VPS13A: variants seen among roughly 807,000 people sequenced by gnomAD.
VPS13A encodes the protein vacuolar protein sorting 13 homolog A.
VPS13A carries 264 observed loss-of-function variants against 390.9 expected under a neutral mutation model. That is an observed-to-expected ratio of 0.68 (90% confidence interval 0.61 to 0.75). The LOEUF is 0.75. Among genes scored for constraint, VPS13A ranks in the 30% least tolerant of loss-of-function variants. VPS13A has a pLI of 0.00. For missense variants in VPS13A, 3,409 were observed against 3,733.9 expected, an observed-to-expected ratio of 0.91 and a Z score of 2.27; for synonymous variants, 1,231 against 1,227.1, an observed-to-expected ratio of 1.00 and a Z score of -0.07.
At chr9:77,279,374 C>T (rs970703224) in intron 26 of VPS13A, among the ~76,000 whole-genome samples, 1 of 152,212 alleles carries the variant, frequency 6.6e-6, no homozygotes, top group East Asian at 1.9e-4. Flanking sequence ...CGTCCTTCCT[C>T]TTCTCTCTTT....
chr9:77,390,253 C>A, intron 68 of VPS13A: 1 of 341,676 alleles, frequency 2.9e-6, no homozygotes, highest in Non-Finnish European at 4.1e-6. Context: ...TGAAGAGAGC[C>A]AAATTGTGTT....
At chr9:77,270,888 A>G (rs1025345934) in intron 23 of VPS13A, among the ~76,000 whole-genome samples, 6 of 152,230 alleles carry the variant, frequency 3.9e-5, no homozygotes, top group African/African-American at 1.4e-4. Context: ...ACCTAAATAT[A>G]AAGTCCACAA....
At chr9:77,382,808 A>T in intron 68 of VPS13A, 1 of 985,458 alleles carries the variant, frequency 1.0e-6, no homozygotes, top group Non-Finnish European at 1.2e-6. Context: ...TCTTTTAATA[A>T]TACAAAGTAG....
rs547171069 is a variant in VPS13A, at chr9:77,225,929, T to C, written c.1165T>C (p.Leu389=). The C allele has an allele frequency of 3.3e-5, 53 of 1,610,822 alleles. No homozygotes were observed. The highest frequency in any genetic ancestry group is 2.3e-4 in the South Asian group (21 of 90,804). ...CATTTTTGTTTATATTTTTCAGGAG[T>C]TGGAAAAAACCTTGGATGTCTTTAA... ...PGELLVSLEE[L]EKTLDVFNIT... Residue 389 remains leucine (L), a synonymous_variant, in exon 14 of 72, where the codon TTG becomes CTG. Coordinates refer to ENST00000360280, the MANE Select transcript of VPS13A (RefSeq NM_033305.3).
At chr9:77,243,943 G>A (rs1807477663) in intron 19 of VPS13A, among the ~76,000 whole-genome samples, 1 of 152,168 alleles carries the variant, frequency 6.6e-6, no homozygotes. Flanking sequence ...TAACTTTAAA[G>A]AATGTAACAA....
At chr9:77,369,270 A>C (rs576128064) in intron 62 of VPS13A, 29 bp from the exon 63 acceptor site, 2 of 1,495,238 alleles carry the variant, frequency 1.3e-6, no homozygotes, top group East Asian at 4.5e-5. Context: ...AATTATCTGA[A>C]TTGATTAATG....
At chr9:77,261,670 C>T (rs948583239) in intron 23 of VPS13A, among the ~76,000 whole-genome samples, 2 of 151,896 alleles carry the variant, frequency 1.3e-5, no homozygotes, top group Admixed American at 1.3e-4. Context: ...CTGCAACCTC[C>T]GTCTCCCAGG....
At chr9:77,235,068 AGAG>A (rs1030015599) in intron 17 of VPS13A, among the ~76,000 whole-genome samples, 10 of 152,224 alleles carry the variant, frequency 6.6e-5, no homozygotes, top group African/African-American at 2.2e-4. Context: ...GGAATTAAAA[AGAG>A]GAGTTAAAAA....
chr9:77,369,317 G>T lies in VPS13A; in HGVS notation c.8572G>T (p.Val2858Leu). 6.2e-7 allele frequency: 1 copy of T among 1,612,564 alleles called. No individual in the cohort carries two copies. The highest frequency in any genetic ancestry group is 8.5e-7 in the Non-Finnish European group (1 of 1,178,708). The change falls in exon 63 of 72, where the codon GTA becomes TTA. Residue 2858 changes from valine to leucine, a missense_variant. By Grantham distance (32) the Val-to-Leu change is conservative. Around this residue, in one of 5 missense-constraint regions of VPS13A, gnomAD observed 30 missense variants for 63.4 expected, o/e 0.47. Coordinates refer to ENST00000360280, the MANE Select transcript of VPS13A (RefSeq NM_033305.3). ...YSKQAIKQMY[V>L]LILGLDVLGN... ...TTTTTAGGCCATTAAGCAGATGTAT[G>T]TACTCATTCTTGGACTTGATGTTTT...
At chr9:77,326,048 T>C (rs1362246038) in intron 45 of VPS13A, among the ~76,000 whole-genome samples, 2 of 152,204 alleles carry the variant, frequency 1.3e-5, no homozygotes, top group Middle Eastern at 3.4e-3. Context: ...ATTGGCAGGG[T>C]TTTTCCCCCC....
intron 21 of VPS13A, 148 bp from the exon 22 acceptor site, chr9:77,252,087 T>C: frequency 1.4e-6 from 1 of 705,592 alleles, no homozygotes; most frequent in Non-Finnish European, 2.5e-6. Flanking sequence ...ACCTACTGAT[T>C]GTATGTACCT....
At chr9:77,263,691 A>C (rs1452814027) in intron 23 of VPS13A, among the ~76,000 whole-genome samples, 1 of 152,078 alleles carries the variant, frequency 6.6e-6, no homozygotes, top group Non-Finnish European at 1.5e-5. Context: ...CCCATTCTTT[A>C]GGTTGCCTGC....
rs1827856414 is a variant in VPS13A at position 77,294,401 on chromosome 9, CACCTAT to C, written c.3507+894_3507+899del. On this transcript the variant is annotated intron_variant, in intron 32 of 71. Coordinates refer to ENST00000360280, the MANE Select transcript of VPS13A (RefSeq NM_033305.3). ...CTGATATTTTTTCCTGTGGGTGTCA[CACCTAT>C]CTCCATAACATCACTATTCATTCTT... 3.9e-5 allele frequency among the ~76,000 whole-genome samples: 6 copies of C among 152,174 alleles called. 1 individual carries two copies. The South Asian group carries it at 1.2e-3, about 32-fold the overall frequency.
intron 52 of VPS13A, among the ~76,000 whole-genome samples, chr9:77,349,546 A>G (rs549588582): frequency 3.2e-4 from 49 of 152,280 alleles, no homozygotes; most frequent in Non-Finnish European, 5.9e-4. Flanking sequence ...GTGATATTCT[A>G]TCATTTAGAT....
At chr9:77,230,905 T>C (rs1472407323) in intron 17 of VPS13A, among the ~76,000 whole-genome samples, 2 of 152,168 alleles carry the variant, frequency 1.3e-5, no homozygotes, top group Non-Finnish European at 2.9e-5. Context: ...TTCATTTATT[T>C]AGATTTTTAA....
intron 55 of VPS13A, among the ~76,000 whole-genome samples, chr9:77,357,195 T>C (rs1365612233): frequency 6.6e-6 from 1 of 150,652 alleles, no homozygotes; most frequent in Non-Finnish European, 1.5e-5. Flanking sequence ...GGCAGGCGCC[T>C]GTAATCCCCG....
rs1835294192 is a variant in VPS13A at position 77,419,861 on chromosome 9, G to T, written c.*3855G>T. ...GGTGGCAAAGGCCTTTAAAAATGGG[G>T]AGCTAATACGTAGGGCACATTCTGG... On this transcript the variant is annotated 3_prime_UTR_variant, in exon 72 of 72. Transcript: ENST00000360280. 6.6e-6 allele frequency: 1 copy of T among 152,176 alleles called. No individual in the cohort carries two copies. The highest frequency in any genetic ancestry group is 1.5e-5 in the Non-Finnish European group (1 of 68,034). The allele number at this position is 152,176 out of a possible 1,614,324, so 9.4% of individuals were successfully genotyped here. A position where few individuals can be genotyped will look rare whatever the true frequency, so the allele number is the denominator to read the frequency against.
At chr9:77,362,067 T>G (rs1832174187) in intron 59 of VPS13A, among the ~76,000 whole-genome samples, 1 of 152,172 alleles carries the variant, frequency 6.6e-6, no homozygotes, top group African/African-American at 2.4e-5. Flanking sequence ...TACAGGTCTC[T>G]TATCAGATAC....
intron 34 of VPS13A, among the ~76,000 whole-genome samples, chr9:77,306,384 C>CAGAGAGAG (rs5898532): frequency 8.6e-4 from 123 of 143,016 alleles, no homozygotes; most frequent in Middle Eastern, 6.9e-3. Flanking sequence ...TAGGGTTCTC[C>CAGAGAGAG]AGAGAGAGAG....
Sources: allele counts gnomAD v4.1 joint callset (sites outside exome capture counted in the v4.1 genomes callset), GRCh38; gene constraint gnomAD v4.1.1; regional missense constraint gnomAD v4.1.1; transcripts MANE v1.5; gene names NCBI Gene and HGNC (gene_info 2026-07-23, HGNC 2026-07-21).